Variants in FSTL4 observed in about 807,000 individuals in gnomAD.
FSTL4 encodes the protein follistatin-related protein 4.
Under a neutral mutation model 78.2 loss-of-function variants are expected in FSTL4, and 28 were observed. The observed-to-expected ratio is 0.36, with a 90% CI of 0.27 to 0.49. FSTL4 has a LOEUF of 0.49. Ranked by LOEUF, FSTL4 falls within the 20% of genes least tolerant of loss-of-function variation. The pLI is 0.98. For synonymous variants in FSTL4, 422 were observed against 440.5 expected (o/e 0.96, Z 0.53); for missense variants, 922 against 1,084.9 (o/e 0.85, Z 2.11).
At chr5:133,553,125 G>A (rs1408413881) in intron 3 of FSTL4, among the ~76,000 whole-genome samples, 1 of 152,180 alleles carries the variant, frequency 6.6e-6, no homozygotes, top group East Asian at 1.9e-4. Flanking sequence ...GGGCGCGGGA[G>A]AGAGGGTGAG....
intron 6 of FSTL4, among the ~76,000 whole-genome samples, chr5:133,297,049 A>C (rs1314133529): frequency 6.6e-6 from 1 of 152,220 alleles, no homozygotes; most frequent in East Asian, 1.9e-4. Context: ...GAAGTCTTCC[A>C]GAGTTCATAA....
At chr5:133,415,921 A>G (rs1756573521) in intron 3 of FSTL4, among the ~76,000 whole-genome samples, 1 of 152,240 alleles carries the variant, frequency 6.6e-6, no homozygotes, top group African/African-American at 2.4e-5. Flanking sequence ...CACAGTTTAT[A>G]GCTCAAGATA....
the FSTL4 span, among the ~76,000 whole-genome samples, chr5:133,661,963 C>A: frequency 6.6e-6 from 1 of 152,188 alleles, no homozygotes; most frequent in African/African-American, 2.4e-5. Flanking sequence ...GAAGCATATG[C>A]ACAAAGTAGG....
the FSTL4 span, among the ~76,000 whole-genome samples, chr5:133,815,126 G>C: frequency 6.6e-6 from 1 of 152,212 alleles, no homozygotes; most frequent in Middle Eastern, 3.2e-3. Flanking sequence ...TAAAAGGACA[G>C]AGATATGGAT....
At chr5:133,302,642 G>A (rs927166617) in intron 6 of FSTL4, among the ~76,000 whole-genome samples, 2 of 152,170 alleles carry the variant, frequency 1.3e-5, no homozygotes, top group African/African-American at 2.4e-5. Flanking sequence ...GAGTAAACGG[G>A]AGCATGGTGC....
At chr5:133,753,159 T>C in the FSTL4 span, among the ~76,000 whole-genome samples, 1 of 152,226 alleles carries the variant, frequency 6.6e-6, no homozygotes, top group Non-Finnish European at 1.5e-5. Flanking sequence ...TTATTCACAA[T>C]AAAGGCAAAC....
chr5:133,701,456 G>A, the FSTL4 span, among the ~76,000 whole-genome samples: 28 of 114,820 alleles, frequency 2.4e-4, 1 homozygote, highest in Admixed American at 2.7e-3. Flanking sequence ...AACCTAGTCA[G>A]AAAGACACAG....
In FSTL4 at chr5:133,201,958, T is replaced by C. The variant is rs761395617; in HGVS notation, c.1801A>G (p.Thr601Ala). ...CTGATGTGGTTGATGATGAGGTTTG[T>C]TGGGGGAATGAAGAAATCATCCACT... ...AGVDDFFIPP[T>A]NLIINHIRFG... Residue 601 changes from threonine (T) to alanine (A), a missense_variant, in exon 15 of 16, where the codon ACA (threonine) becomes GCA (alanine). Coordinates refer to ENST00000265342, the MANE Select transcript of FSTL4 (RefSeq NM_015082.2). The C allele has an allele frequency of 1.2e-5, 19 of 1,608,546 alleles. No individual in the cohort carries two copies. Among genetic ancestry groups the C allele is most frequent in the Middle Eastern group, 3.3e-4 (2 of 6,060 alleles).
At chr5:133,828,906 C>T in the FSTL4 span, among the ~76,000 whole-genome samples, 2 of 152,142 alleles carry the variant, frequency 1.3e-5, no homozygotes, top group African/African-American at 4.8e-5. Context: ...ACTCAATTTG[C>T]GTTGGCATAA....
intron 6 of FSTL4, among the ~76,000 whole-genome samples, chr5:133,257,072 G>A (rs747756468): frequency 4.6e-5 from 7 of 152,168 alleles, no homozygotes; most frequent in Admixed American, 1.3e-4. Context: ...TGCCTACCAC[G>A]CAGAAGGGAC....
the FSTL4 span, among the ~76,000 whole-genome samples, chr5:133,756,688 C>A: frequency 6.6e-6 from 1 of 152,068 alleles, no homozygotes; most frequent in Non-Finnish European, 1.5e-5. Context: ...GGGATAGAGG[C>A]AGGGAGGGTA....
intron 6 of FSTL4, among the ~76,000 whole-genome samples, chr5:133,302,647 T>C (rs1369516039): frequency 2.0e-5 from 3 of 152,150 alleles, no homozygotes; most frequent in Non-Finnish European, 4.4e-5. Flanking sequence ...AACGGGAGCA[T>C]GGTGCCAAAC....
At chr5:133,823,016 A>G in the FSTL4 span, among the ~76,000 whole-genome samples, 1 of 152,202 alleles carries the variant, frequency 6.6e-6, no homozygotes, top group African/African-American at 2.4e-5. Context: ...GGGCATGGGC[A>G]TGGAAACAGA....
At chr5:133,290,059 G>T (rs543300532) in intron 6 of FSTL4, among the ~76,000 whole-genome samples, 2 of 152,300 alleles carry the variant, frequency 1.3e-5, no homozygotes, top group South Asian at 2.1e-4. Flanking sequence ...CCAAGATCAA[G>T]AATTCAGCCT....
At chr5:133,725,705 T>G in the FSTL4 span, among the ~76,000 whole-genome samples, 1 of 152,156 alleles carries the variant, frequency 6.6e-6, no homozygotes, top group African/African-American at 2.4e-5. Context: ...TAAGGGGTTG[T>G]TATTAATAAC....
intron 4 of FSTL4, among the ~76,000 whole-genome samples, chr5:133,325,895 G>T (rs1462596944): frequency 6.6e-6 from 1 of 152,204 alleles, no homozygotes; most frequent in Non-Finnish European, 1.5e-5. Flanking sequence ...TTCCCCATTA[G>T]CCTGGTAAGT....
chr5:133,538,478 G>A (rs757262684), intron 3 of FSTL4, among the ~76,000 whole-genome samples: 1 of 152,028 alleles, frequency 6.6e-6, no homozygotes, highest in Non-Finnish European at 1.5e-5. Flanking sequence ...AAAGTAATGT[G>A]TGGAGAAACA....
At chr5:133,779,656 C>T in the FSTL4 span, among the ~76,000 whole-genome samples, 2 of 152,268 alleles carry the variant, frequency 1.3e-5, no homozygotes, top group South Asian at 4.1e-4. Flanking sequence ...TAAAAACTTC[C>T]AATCACTCCC....
intron 3 of FSTL4, among the ~76,000 whole-genome samples, chr5:133,418,235 A>C (rs1322037357): frequency 1.4e-5 from 2 of 140,258 alleles, no homozygotes; most frequent in Non-Finnish European, 3.2e-5. Flanking sequence ...AAAGATGGAT[A>C]TTATAAATTA....
Sources: allele counts gnomAD v4.1 joint callset (sites outside exome capture counted in the v4.1 genomes callset), GRCh38; gene constraint gnomAD v4.1.1; transcripts MANE v1.5; gene names NCBI Gene and HGNC (gene_info 2026-07-23, HGNC 2026-07-21).